CSGALNACT1: variants seen among roughly 807,000 people sequenced by gnomAD.
CSGALNACT1 encodes the protein chondroitin sulfate N-acetylgalactosaminyltransferase 1, also known as beta4GalNAcT-1.
A neutral mutation model predicts 51.0 loss-of-function variants in CSGALNACT1; 52 were observed. The ratio of observed to expected loss-of-function variants is 1.02; its 90% CI spans 0.82 to 1.29. The LOEUF (loss-of-function observed/expected upper bound fraction) is 1.29. Ranked by LOEUF, CSGALNACT1 falls within the 50% of genes most tolerant of loss-of-function variation. The pLI, the probability that CSGALNACT1 is intolerant of heterozygous loss-of-function variation, is 0.00. For synonymous variants in CSGALNACT1, 341 were observed against 254.4 expected (o/e 1.34, Z -3.24); for missense variants, 935 against 679.2 (o/e 1.38, Z -4.19).
chr8:19,662,441 T>C (rs2058843594), intron 1 of CSGALNACT1, among the ~76,000 whole-genome samples: 1 of 152,184 alleles, frequency 6.6e-6, no homozygotes, highest in Non-Finnish European at 1.5e-5. Flanking sequence ...CAAGGTTTTA[T>C]GTTCTTAACA....
intron 1 of CSGALNACT1, among the ~76,000 whole-genome samples, chr8:19,610,454 A>T (rs2154152177): frequency 6.6e-6 from 1 of 151,988 alleles, no homozygotes; most frequent in East Asian, 1.9e-4. Flanking sequence ...GCCTGCCACA[A>T]CCCATCCTGT....
chr8:19,634,094 G>C (rs2055681215), intron 1 of CSGALNACT1, among the ~76,000 whole-genome samples: 2 of 152,302 alleles, frequency 1.3e-5, no homozygotes, highest in South Asian at 4.1e-4. Flanking sequence ...CACAAAATAA[G>C]CTAGTAAATT....
intron 1 of CSGALNACT1, among the ~76,000 whole-genome samples, chr8:19,622,274 T>C (rs959664041): frequency 2.0e-5 from 3 of 152,234 alleles, no homozygotes; most frequent in African/African-American, 7.2e-5. Flanking sequence ...CCTAAATATA[T>C]CCATGTTTGA....
At chr8:19,535,028 G>C (rs147182281) in intron 3 of CSGALNACT1, among the ~76,000 whole-genome samples, 1 of 152,260 alleles carries the variant, frequency 6.6e-6, no homozygotes, top group East Asian at 1.9e-4. Flanking sequence ...AAAAGACAGA[G>C]TTAGCAGTGA....
intron 5 of CSGALNACT1, among the ~76,000 whole-genome samples, chr8:19,452,413 T>C (rs1563471574): frequency 2.5e-5 from 2 of 80,442 alleles, no homozygotes; most frequent in African/African-American, 3.8e-5. Context: ...AACTAACCCC[T>C]GGGGGAAAAA....
intron 1 of CSGALNACT1, among the ~76,000 whole-genome samples, chr8:19,618,629 C>CAAAAAAAAAAAAAAAA (rs60787326): frequency 4.7e-5 from 3 of 64,032 alleles, no homozygotes; most frequent in Non-Finnish European, 8.5e-5. Flanking sequence ...AATACTCCAT[C>CAAAAAAAAAAAAAAAA]AAAAAAAAAA....
At chr8:19,531,232 T>A (rs1382627163) in intron 3 of CSGALNACT1, among the ~76,000 whole-genome samples, 2 of 152,158 alleles carry the variant, frequency 1.3e-5, no homozygotes, top group Non-Finnish European at 2.9e-5. Flanking sequence ...TTGGAAACAT[T>A]GAAACCCCAA....
At chr8:19,496,125 G>A (rs879708144) in intron 4 of CSGALNACT1, among the ~76,000 whole-genome samples, 4 of 152,178 alleles carry the variant, frequency 2.6e-5, no homozygotes, top group Non-Finnish European at 5.9e-5. Flanking sequence ...AATAAGAACA[G>A]CCTTACTTTT....
At chr8:19,665,196 T>C (rs2154193184) in intron 1 of CSGALNACT1, among the ~76,000 whole-genome samples, 1 of 152,256 alleles carries the variant, frequency 6.6e-6, no homozygotes, top group East Asian at 1.9e-4. Flanking sequence ...GTATTTTTAG[T>C]GCAGACGGTG....
chr8:19,549,388 T>G (rs1425784868), intron 3 of CSGALNACT1, among the ~76,000 whole-genome samples: 2 of 152,178 alleles, frequency 1.3e-5, no homozygotes, highest in Non-Finnish European at 2.9e-5. Flanking sequence ...CTGCTTCAAT[T>G]TTTCATTTGG....
intron 6 of CSGALNACT1, 34 bp from the exon 6 acceptor site, chr8:19,420,552 T>C: frequency 6.2e-7 from 1 of 1,605,244 alleles, no homozygotes; most frequent in Non-Finnish European, 8.5e-7. Flanking sequence ...TCACTCACAT[T>C]CCCACATGTT....
Position 19,519,178 on chromosome 8 carries a change from C to T in CSGALNACT1, c.-296-13048G>A, listed in dbSNP as rs116149282. ...GTCTAAGGTAGTGACCTAGTCCTCTCGGGCAGCCCTGGGGGTGGGGGTCTA... is the reference window on the plus strand; with the variant it reads ...GTCTAAGGTAGTGACCTAGTCCTCTTGGGCAGCCCTGGGGGTGGGGGTCTA... On this transcript the variant is annotated intron_variant, in intron 3 of 9. Transcript: ENST00000454498. 3.6e-3 allele frequency among the ~76,000 whole-genome samples: 549 copies of T among 152,250 alleles called. 1 individual carries two copies. The highest frequency in any genetic ancestry group is 0.012 in the African/African-American group (506 of 41,534).
intron 6 of CSGALNACT1, among the ~76,000 whole-genome samples, chr8:19,427,333 TTGCCCACCGAA>T (rs1470827487): frequency 6.6e-6 from 1 of 152,232 alleles, no homozygotes; most frequent in African/African-American, 2.4e-5. Context: ...TTGTCTTTTC[TTGCCCACCGAA>T]TGCATACAAT....
intron 5 of CSGALNACT1, among the ~76,000 whole-genome samples, chr8:19,448,170 G>GGA (rs756314889): frequency 2.0e-5 from 3 of 152,082 alleles, no homozygotes; most frequent in Non-Finnish European, 4.4e-5. Context: ...CCAGAGTAGG[G>GGA]GAGAGAGAGA....
intron 3 of CSGALNACT1, among the ~76,000 whole-genome samples, chr8:19,524,851 A>T (rs181272773): frequency 6.6e-6 from 1 of 152,330 alleles, no homozygotes; most frequent in African/African-American, 2.4e-5. Flanking sequence ...GTGTACCTTT[A>T]TGGAACATCC....
chr8:19,637,860 C>G (rs998773398), intron 1 of CSGALNACT1, among the ~76,000 whole-genome samples: 3 of 129,702 alleles, frequency 2.3e-5, no homozygotes, highest in African/African-American at 9.0e-5. Context: ...TTTTTTTAAA[C>G]AAACATAGAA....
At chr8:19,580,643 A>G (rs367795336) in intron 3 of CSGALNACT1, among the ~76,000 whole-genome samples, 14 of 152,354 alleles carry the variant, frequency 9.2e-5, no homozygotes, top group African/African-American at 3.4e-4. Context: ...ACTTAATAAA[A>G]AATTACAAAG....
intron 3 of CSGALNACT1, among the ~76,000 whole-genome samples, chr8:19,526,185 G>GAACAT: frequency 6.6e-6 from 1 of 152,182 alleles, no homozygotes; most frequent in Non-Finnish European, 1.5e-5. Flanking sequence ...CTAGGGAAAG[G>GAACAT]GACATGGGAT....
intron 1 of CSGALNACT1, among the ~76,000 whole-genome samples, chr8:19,705,781 A>C (rs1446834768): frequency 6.6e-6 from 1 of 152,162 alleles, no homozygotes; most frequent in East Asian, 1.9e-4. Flanking sequence ...AGTTTCAAAA[A>C]TTGTACATGA....
Sources: allele counts gnomAD v4.1 joint callset (sites outside exome capture counted in the v4.1 genomes callset), GRCh38; gene constraint gnomAD v4.1.1; transcripts MANE v1.5; gene names NCBI Gene and HGNC (gene_info 2026-07-23, HGNC 2026-07-21).